PPP4R1: variants seen among roughly 807,000 people sequenced by gnomAD.
PPP4R1 encodes the protein protein phosphatase 4 regulatory subunit 1.
A neutral mutation model predicts 111.2 loss-of-function variants in PPP4R1; 42 were observed. The observed-to-expected ratio is 0.38, with a 90% CI of 0.29 to 0.49. PPP4R1 has a LOEUF of 0.49. Among genes scored for constraint, PPP4R1 ranks in the 20% least tolerant of loss-of-function variants. The pLI, the probability that PPP4R1 is intolerant of heterozygous loss-of-function variation, is 0.97. For synonymous variants in PPP4R1, 409 were observed against 405.5 expected (o/e 1.01, Z -0.10); for missense variants, 1,012 against 1,161.6 (o/e 0.87, Z 1.87).
In PPP4R1 at chr18:9,547,519, A is replaced by C. The variant is rs1395068644; in HGVS notation, c.*270T>G. 5 of 318,494 alleles carry C rather than the reference A, an allele frequency of 1.6e-5. No homozygotes were observed. Among genetic ancestry groups the C allele is most frequent in the Non-Finnish European group, 2.9e-5 (5 of 171,248 alleles). 19.7% of individuals were successfully genotyped at this position (318,494 alleles called of 1,614,324 possible). ...CAATTCAAGTTTCATTCAGTCAGGA[A>C]GACAGAAGGATTTAAGGCTTCGGTG... On this transcript the variant is annotated 3_prime_UTR_variant, in exon 20 of 20. Coordinates refer to ENST00000400556, the MANE Select transcript of PPP4R1 (RefSeq NM_001042388.3).
intron 3 of PPP4R1, 110 bp downstream of exon 3, chr18:9,594,908 A>G (rs1445725005): frequency 3.8e-6 from 5 of 1,312,532 alleles, no homozygotes; most frequent in Non-Finnish European, 5.2e-6. Context: ...GGTGACTCAG[A>G]TTGTGCCTGT....
At position 9,614,215 on chromosome 18, in the gene PPP4R1, G is replaced by A. The variant is rs764562357; in HGVS notation, c.52+11C>T. 61 of 1,362,864 alleles carry A rather than the reference G, an allele frequency of 4.5e-5. No homozygotes were observed. The highest frequency in any genetic ancestry group is 5.5e-5 in the Non-Finnish European group (57 of 1,044,862). The allele number at this position is 1,362,864 out of a possible 1,614,324, so 84.4% of individuals were successfully genotyped here. A position where few individuals can be genotyped will look rare whatever the true frequency, so the allele number is the denominator to read the frequency against. Reference sequence around the variant, plus strand: ...CGGACTGCCAGGCCACCGCGAGGCCGGGCCACTCACATCCGTCTGCGTCCT... The same window carrying A: ...CGGACTGCCAGGCCACCGCGAGGCCAGGCCACTCACATCCGTCTGCGTCCT... On this transcript the variant is annotated intron_variant, in intron 2 of 19. Transcript: ENST00000400556. This position sits in a 1 kb window ranked among gnomAD's most constrained non-coding sequence, Gnocchi z 4.1.
chr18:9,614,287 G>A lies in PPP4R1; in HGVS notation c.8-17C>T, dbSNP rs1442363666. On this transcript the variant is annotated splice_polypyrimidine_tract_variant and intron_variant, in intron 1 of 19. Coordinates refer to ENST00000400556, the MANE Select transcript of PPP4R1 (RefSeq NM_001042388.3). This position sits in a 1 kb window ranked among gnomAD's most constrained non-coding sequence, Gnocchi z 4.1. ...GCGAGAGGTCTGCGCCGAGGGGAGAGAAGAAAGGCCCGGTCAGCGCCCCGG... is the reference window on the plus strand; with the variant it reads ...GCGAGAGGTCTGCGCCGAGGGGAGAAAAGAAAGGCCCGGTCAGCGCCCCGG... 2.3e-6 allele frequency: 3 copies of A among 1,288,216 alleles called. No homozygotes were observed. Among genetic ancestry groups the A allele is most frequent in the East Asian group, 3.7e-5 (1 of 26,788 alleles). The allele number at this position is 1,288,216 out of a possible 1,614,324, so 79.8% of individuals were successfully genotyped here.
chr18:9,581,831 C>A (rs149428739), intron 9 of PPP4R1, among the ~76,000 whole-genome samples: 205 of 152,078 alleles, frequency 1.3e-3, no homozygotes, highest in African/African-American at 4.8e-3. Context: ...AAGCAACAAG[C>A]GAAAAATGAC....
chr18:9,551,733 C>T (rs1419403063), intron 16 of PPP4R1: 1 of 152,208 alleles, frequency 6.6e-6, no homozygotes, highest in Non-Finnish European at 1.5e-5. Flanking sequence ...AACTAATGCT[C>T]CTTATTCCAG....
chr18:9,572,657 C>T (rs2066879847), intron 10 of PPP4R1, among the ~76,000 whole-genome samples: 1 of 152,158 alleles, frequency 6.6e-6, no homozygotes, highest in African/African-American at 2.4e-5. Context: ...GATGTTAATG[C>T]CTATGTGAGC....
intron 9 of PPP4R1, among the ~76,000 whole-genome samples, chr18:9,578,015 T>C (rs1299594): frequency 1.3e-5 from 2 of 152,242 alleles, no homozygotes; most frequent in Admixed American, 6.5e-5. Flanking sequence ...CATATACTAT[T>C]GTTCTTGATG....
intron 8 of PPP4R1, 91 bp downstream of exon 8, chr18:9,584,404 TATATTCATGGAATTGTGTTA>T (rs2145195079): frequency 1.1e-6 from 1 of 889,070 alleles, no homozygotes; most frequent in South Asian, 2.8e-5. Context: ...CTTTCTGGTT[TATATTCATGGAATTGTGTTA>T]ATAAAACTTT....
chr18:9,550,261 A>G lies in PPP4R1; in HGVS notation c.2412+17T>C, dbSNP rs750762680. ...TTAGAGTTTGCTGATCTAAAATTTTAAAAGTTCAATACATACCAACTTGTA... is the reference window on the plus strand; with the variant it reads ...TTAGAGTTTGCTGATCTAAAATTTTGAAAGTTCAATACATACCAACTTGTA... On this transcript the variant is annotated intron_variant, in intron 17 of 19. Coordinates refer to ENST00000400556, the MANE Select transcript of PPP4R1 (RefSeq NM_001042388.3). The G allele has an allele frequency of 1.2e-6, 2 of 1,613,868 alleles. No individual in the cohort carries two copies. The highest frequency in any genetic ancestry group is 4.5e-5 in the East Asian group (2 of 44,888).
At chr18:9,593,948 A>C in intron 3 of PPP4R1, 74 bp from the exon 4 acceptor site, 1 of 1,178,896 alleles carries the variant, frequency 8.5e-7, no homozygotes, top group Non-Finnish European at 1.2e-6. Context: ...ATTTTTTGAG[A>C]CAGGGCCTCA....
At chr18:9,588,365 T>C (rs971148472) in intron 5 of PPP4R1, 130 bp from the exon 6 acceptor site, 6 of 1,009,674 alleles carry the variant, frequency 5.9e-6, no homozygotes, top group Non-Finnish European at 8.5e-6. Context: ...AAATAAATAT[T>C]TGTGTTTATT....
rs375918291 is a variant in PPP4R1 at position 9,595,065 on chromosome 18, G to C, written c.141C>G (p.Pro47=). The C allele has an allele frequency of 3.1e-6, 5 of 1,613,872 alleles. No individual in the cohort carries two copies. Among genetic ancestry groups the C allele is most frequent in the Non-Finnish European group, 4.2e-6 (5 of 1,179,930 alleles). ...CAGCATACTTGTCCAATCTCCCCAG[G>C]GGCGTCAACATTTCATCTTGTGAGA... ...DFVSQDEMLT[P]LGRLDKYAAS... Residue 47 remains proline (P), a synonymous_variant, in exon 3 of 20, where the codon CCC becomes CCG. Coordinates refer to ENST00000400556, the MANE Select transcript of PPP4R1 (RefSeq NM_001042388.3).
chr18:9,576,389 T>C (rs1319351481), intron 10 of PPP4R1, among the ~76,000 whole-genome samples: 1 of 152,022 alleles, frequency 6.6e-6, no homozygotes, highest in East Asian at 1.9e-4. Context: ...GTTTTTCCCC[T>C]AAATATATAT....
intron 15 of PPP4R1, among the ~76,000 whole-genome samples, chr18:9,555,918 C>T (rs562636403): frequency 1.3e-5 from 2 of 151,602 alleles, no homozygotes; most frequent in East Asian, 2.0e-4. Flanking sequence ...GGGCGGATCA[C>T]AAGATCAGGA....
At chr18:9,605,278 A>C (rs1347330448) in intron 2 of PPP4R1, among the ~76,000 whole-genome samples, 2 of 152,208 alleles carry the variant, frequency 1.3e-5, no homozygotes, top group African/African-American at 4.8e-5. Context: ...ATGAATAGGG[A>C]GGAAGATCAG....
At chr18:9,549,567 G>T (rs1275252106) in intron 18 of PPP4R1, among the ~76,000 whole-genome samples, 2 of 152,146 alleles carry the variant, frequency 1.3e-5, no homozygotes. Flanking sequence ...TCATTCACAG[G>T]TGTTTCATTT....
In PPP4R1 at chr18:9,561,679, T is replaced by C. The variant is rs551382750; in HGVS notation, c.1842+301A>G. Among the ~76,000 whole-genome samples the C allele has an allele frequency of 2.6e-5, 4 of 152,298 alleles. No individual in the cohort carries two copies. The South Asian group carries it at 8.3e-4, about 32-fold the overall frequency. ...GTAGGATGGGATGACCACAGCTGTC[T>C]TCAATGATAAAAAGAGGCACATGTG... On this transcript the variant is annotated intron_variant, in intron 13 of 19. Transcript: ENST00000400556.
chr18:9,559,861 GAATT>G (rs1398915734), intron 13 of PPP4R1, among the ~76,000 whole-genome samples: 1 of 152,146 alleles, frequency 6.6e-6, no homozygotes, highest in Non-Finnish European at 1.5e-5. Flanking sequence ...AGGAAAATTA[GAATT>G]AATTACTAAA....
At chr18:9,548,712 T>A (rs2066439453) in intron 19 of PPP4R1, among the ~76,000 whole-genome samples, 1 of 151,768 alleles carries the variant, frequency 6.6e-6, no homozygotes, top group Non-Finnish European at 1.5e-5. Context: ...AGGTCAGGAG[T>A]TCGAGACCGG....
Sources: gnomAD v4.1 joint callset for allele counts (sites outside exome capture counted in the v4.1 genomes callset) on GRCh38, gnomAD v4.1.1 for gene constraint, Gnocchi (gnomAD v3.1) non-coding constraint, MANE v1.5 for transcripts, NCBI Gene and HGNC (gene_info 2026-07-23, HGNC 2026-07-21) for gene names.